Variants in WWOX observed in about 807,000 individuals in gnomAD.
The protein encoded by WWOX is WW domain-containing oxidoreductase.
In WWOX, 69 loss-of-function variants were observed where a neutral mutation model predicts 46.2. The ratio of observed to expected loss-of-function variants is 1.49; its 90% CI spans 1.23 to 1.82. The LOEUF is 1.82. Among genes scored for constraint, WWOX ranks in the 40% most tolerant of loss-of-function variants. The pLI, the probability that WWOX is intolerant of heterozygous loss-of-function variation, is 0.00. For synonymous variants in WWOX, 359 were observed against 202.6 expected, an observed-to-expected ratio of 1.77 and a Z score of -6.56; for missense variants, 919 against 542.6, an observed-to-expected ratio of 1.69 and a Z score of -6.89.
At chr16:78,918,285 C>T (rs976429875) in intron 8 of WWOX, among the ~76,000 whole-genome samples, 2 of 152,124 alleles carry the variant, frequency 1.3e-5, no homozygotes, top group African/African-American at 2.4e-5. Context: ...TAAATGGATA[C>T]ATGATATTTG....
chr16:79,034,318 C>G (rs966663298), intron 8 of WWOX, among the ~76,000 whole-genome samples: 4 of 152,182 alleles, frequency 2.6e-5, no homozygotes, highest in Non-Finnish European at 5.9e-5. Context: ...AATAACTTTC[C>G]TGACATCCAT....
intron 5 of WWOX, among the ~76,000 whole-genome samples, chr16:78,352,487 C>T (rs1174519415): frequency 4.6e-5 from 7 of 152,204 alleles, no homozygotes; most frequent in Non-Finnish European, 8.8e-5. Flanking sequence ...GCCCCTTCCT[C>T]TATCTTCAAA....
At chr16:78,595,552 T>G (rs2045469225) in intron 8 of WWOX, among the ~76,000 whole-genome samples, 1 of 152,102 alleles carries the variant, frequency 6.6e-6, no homozygotes, top group South Asian at 2.1e-4. Flanking sequence ...AATCTCTCCC[T>G]CCCCACCACA....
intron 5 of WWOX, among the ~76,000 whole-genome samples, chr16:78,322,008 A>C (rs535331514): frequency 6.6e-6 from 1 of 152,362 alleles, no homozygotes; most frequent in South Asian, 2.1e-4. Flanking sequence ...AAATCAGTGC[A>C]TGAGAACAGC....
rs963352446 is a variant in WWOX, at chr16:78,990,375, G to A, written c.1057-221233G>A. ...AGAAGGGCCCTGTCCGCAGCCTGAGGAGCCTCAACTGTTCTCTGCACGACC... is the reference window on the plus strand; with the variant it reads ...AGAAGGGCCCTGTCCGCAGCCTGAGAAGCCTCAACTGTTCTCTGCACGACC... On this transcript the variant is annotated intron_variant, in intron 8 of 8. Coordinates refer to ENST00000566780, the MANE Select transcript of WWOX (RefSeq NM_016373.4). Among the ~76,000 whole-genome samples, 32 of 152,110 alleles carry A rather than the reference G, an allele frequency of 2.1e-4. 1 individual carries two copies. Among genetic ancestry groups the A allele is most frequent in the Non-Finnish European group, 5.9e-5 (4 of 68,024 alleles).
intron 8 of WWOX, among the ~76,000 whole-genome samples, chr16:78,510,977 G>C (rs2085346821): frequency 6.6e-6 from 1 of 152,240 alleles, no homozygotes; most frequent in South Asian, 2.1e-4. Flanking sequence ...AGGGGAGCAA[G>C]ATGACATGTG....
intron 8 of WWOX, among the ~76,000 whole-genome samples, chr16:79,067,637 CG>C (rs144613659): frequency 0.11 from 9,292 of 80,862 alleles, 566 homozygotes; most frequent in African/African-American, 0.22. Flanking sequence ...GGGTGGGGGG[CG>C]GGGGGGGGCA....
chr16:78,710,124 C>T (rs1218823285), intron 8 of WWOX, among the ~76,000 whole-genome samples: 2 of 152,064 alleles, frequency 1.3e-5, no homozygotes, highest in African/African-American at 4.8e-5. Flanking sequence ...CATACTCCTA[C>T]AGGGATGTCT....
intron 8 of WWOX, among the ~76,000 whole-genome samples, chr16:78,953,249 T>C (rs1001190003): frequency 4.7e-5 from 7 of 148,838 alleles, no homozygotes; most frequent in African/African-American, 1.7e-4. Context: ...CCTTGGTCTA[T>C]ATAGGATAAT....
At chr16:78,821,184 G>T (rs963190882) in intron 8 of WWOX, among the ~76,000 whole-genome samples, 1 of 152,114 alleles carries the variant, frequency 6.6e-6, no homozygotes, top group Admixed American at 6.5e-5. Context: ...TCTGTGTTGG[G>T]AATTGTGGCT....
intron 8 of WWOX, among the ~76,000 whole-genome samples, chr16:78,787,419 A>T (rs967427641): frequency 2.0e-5 from 3 of 152,148 alleles, no homozygotes; most frequent in Non-Finnish European, 4.4e-5. Context: ...GAATCACACA[A>T]TATGTGGCCT....
intron 5 of WWOX, among the ~76,000 whole-genome samples, chr16:78,258,679 GT>G (rs1424817201): frequency 9.2e-6 from 1 of 109,114 alleles, no homozygotes; most frequent in Non-Finnish European, 1.7e-5. Context: ...TCGTTCGACA[GT>G]TAAAGAGTAT....
chr16:79,007,825 C>G (rs561835487), intron 8 of WWOX, among the ~76,000 whole-genome samples: 167 of 152,338 alleles, frequency 1.1e-3, no homozygotes, highest in African/African-American at 3.8e-3. Flanking sequence ...AAGTAATCAT[C>G]ATAACCTCTG....
rs796343068 is a variant in WWOX, at chr16:79,198,162, TA to T, written c.1057-13435del. Among the ~76,000 whole-genome samples the T allele has an allele frequency of 5.2e-4, 70 of 135,698 alleles. 1 individual carries two copies. The highest frequency in any genetic ancestry group is 9.5e-4 in the Admixed American group (13 of 13,620). 89.0% of individuals were successfully genotyped at this position (135,698 alleles called of 152,430 possible). A position where few individuals can be genotyped will look rare whatever the true frequency, so the allele number is the denominator to read the frequency against. On this transcript the variant is annotated intron_variant, in intron 8 of 8. Coordinates refer to ENST00000566780, the MANE Select transcript of WWOX (RefSeq NM_016373.4). ...CAACATGGTGAAACCCCGTCTCTAC[TA>T]AAAAAAAAAACAAAAACCACAAAAA...
intron 8 of WWOX, among the ~76,000 whole-genome samples, chr16:79,138,466 C>G (rs750811881): frequency 1.8e-4 from 27 of 152,214 alleles, no homozygotes; most frequent in Non-Finnish European, 3.2e-4. Flanking sequence ...CATTCCTCGT[C>G]TCTTTCCTGT....
intron 8 of WWOX, among the ~76,000 whole-genome samples, chr16:78,635,762 T>C (rs1008577574): frequency 6.6e-6 from 1 of 152,132 alleles, no homozygotes; most frequent in Non-Finnish European, 1.5e-5. Context: ...CTGGGCATCA[T>C]TTTGCCCTTG....
At chr16:78,389,485 A>T (rs1339808612) in intron 6 of WWOX, among the ~76,000 whole-genome samples, 1 of 152,164 alleles carries the variant, frequency 6.6e-6, no homozygotes, top group Non-Finnish European at 1.5e-5. Context: ...TGATAATGAC[A>T]AGAACAGCAG....
intron 8 of WWOX, chr16:78,825,680 A>G: frequency 1.9e-6 from 1 of 536,672 alleles, no homozygotes; most frequent in Non-Finnish European, 3.6e-6. Context: ...TAGGCTGCCA[A>G]GCTGTGGTTT....
At chr16:79,130,980 T>A (rs2049866206) in intron 8 of WWOX, among the ~76,000 whole-genome samples, 1 of 152,194 alleles carries the variant, frequency 6.6e-6, no homozygotes, top group Non-Finnish European at 1.5e-5. Flanking sequence ...GTGTGGGATA[T>A]CATAAAAAGA....
Sources: gnomAD v4.1 joint callset for allele counts (sites outside exome capture counted in the v4.1 genomes callset) on GRCh38, gnomAD v4.1.1 for gene constraint, MANE v1.5 for transcripts, NCBI Gene and HGNC (gene_info 2026-07-23, HGNC 2026-07-21) for gene names.